The following CCDC192 variants were observed in gnomAD, a reference collection of about 807,000 sequenced individuals.
CCDC192 encodes the protein coiled-coil domain-containing protein 192.
chr5:127,938,958 CAGG>C (rs1440784150), intron 6 of CCDC192, among the ~76,000 whole-genome samples: 1 of 152,076 alleles, frequency 6.6e-6, no homozygotes, highest in Non-Finnish European at 1.5e-5. Context: ...CTTGGCACAC[CAGG>C]AGATGAGGAA....
chr5:127,794,532 A>G (rs569196031), intron 3 of CCDC192, among the ~76,000 whole-genome samples: 37 of 152,342 alleles, frequency 2.4e-4, no homozygotes, highest in African/African-American at 8.4e-4. Flanking sequence ...TATTATTAAT[A>G]TTATTTATTC....
intron 6 of CCDC192, among the ~76,000 whole-genome samples, chr5:127,902,064 A>G (rs1580810697): frequency 6.6e-6 from 1 of 152,224 alleles, no homozygotes; most frequent in Non-Finnish European, 1.5e-5. Context: ...TGAGGTCAGG[A>G]GTTCAAGACC....
intron 5 of CCDC192, among the ~76,000 whole-genome samples, chr5:127,826,375 A>T (rs113140783): frequency 7.3e-4 from 111 of 152,192 alleles, no homozygotes; most frequent in Non-Finnish European, 1.1e-3. Context: ...AGCAGTTTGG[A>T]GATTTCTCAA....
intron 5 of CCDC192, among the ~76,000 whole-genome samples, chr5:127,830,869 T>C (rs1022654505): frequency 1.3e-5 from 2 of 152,048 alleles, no homozygotes; most frequent in Non-Finnish European, 2.9e-5. Flanking sequence ...AAGTAAAAAT[T>C]TAAATTTATC....
intron 6 of CCDC192, among the ~76,000 whole-genome samples, chr5:127,902,043 G>A (rs979419514): frequency 6.6e-6 from 1 of 152,198 alleles, no homozygotes; most frequent in African/African-American, 2.4e-5. Flanking sequence ...GGCTAAGGCA[G>A]GTGGATCATC....
chr5:127,869,187 G>T (rs1438252584), intron 5 of CCDC192, among the ~76,000 whole-genome samples: 1 of 152,238 alleles, frequency 6.6e-6, no homozygotes, highest in East Asian at 1.9e-4. Flanking sequence ...AGCTGTGCCT[G>T]GTGGCACGTG....
At chr5:127,740,032 GA>G (rs1214571010) in intron 2 of CCDC192, 3 of 152,324 alleles carry the variant, frequency 2.0e-5, no homozygotes, top group African/African-American at 7.2e-5. Context: ...TGGCTGCGAA[GA>G]ATGCTTGGGA....
At chr5:127,920,934 C>A (rs1000612283) in intron 6 of CCDC192, among the ~76,000 whole-genome samples, 1 of 151,622 alleles carries the variant, frequency 6.6e-6, no homozygotes, top group Non-Finnish European at 1.5e-5. Context: ...GTGGTGTGCA[C>A]CTGTAGTCCC....
chr5:127,777,661 A>G (rs551834259), intron 3 of CCDC192, among the ~76,000 whole-genome samples: 8 of 152,318 alleles, frequency 5.3e-5, no homozygotes, highest in African/African-American at 1.4e-4. Flanking sequence ...TAAGTCCCAC[A>G]TGTTGTGGGA....
chr5:127,844,856 G>A (rs1003203041), intron 5 of CCDC192, among the ~76,000 whole-genome samples: 3 of 152,164 alleles, frequency 2.0e-5, no homozygotes, highest in African/African-American at 7.2e-5. Flanking sequence ...AGAAACCCTG[G>A]GAAGACAGGA....
chr5:127,880,761 C>T (rs1467711056), intron 6 of CCDC192, among the ~76,000 whole-genome samples: 1 of 152,034 alleles, frequency 6.6e-6, no homozygotes, highest in African/African-American at 2.4e-5. Context: ...GGATGGATCG[C>T]CTGAGATCAG....
intron 2 of CCDC192, among the ~76,000 whole-genome samples, chr5:127,717,926 G>GACAAAAAAAAAAAAAAAAAAAAAACAAAA (rs1751717772): frequency 2.2e-4 from 1 of 4,544 alleles, no homozygotes; most frequent in Non-Finnish European, 5.3e-4. Flanking sequence ...TATAAAGCTA[G>GACAAAAAAAAAAAAAAAAAAAAAACAAAA]ACAAAAAAAA....
chr5:127,781,770 A>T (rs1756240050), intron 3 of CCDC192, among the ~76,000 whole-genome samples: 1 of 152,128 alleles, frequency 6.6e-6, no homozygotes, highest in African/African-American at 2.4e-5. Context: ...GTAAACAATC[A>T]TGTCATCAGC....
intron 2 of CCDC192, among the ~76,000 whole-genome samples, chr5:127,716,137 G>C (rs1457362246): frequency 6.6e-6 from 1 of 151,902 alleles, no homozygotes; most frequent in African/African-American, 2.4e-5. Flanking sequence ...TTTTGCATCT[G>C]TTGAAATGGT....
intron 5 of CCDC192, among the ~76,000 whole-genome samples, chr5:127,869,331 A>C (rs555893048): frequency 1.3e-5 from 2 of 152,296 alleles, no homozygotes; most frequent in South Asian, 4.1e-4. Context: ...TCTCAAAAAA[A>C]TAAAATAAAA....
intron 6 of CCDC192, among the ~76,000 whole-genome samples, chr5:127,890,438 G>A (rs892086648): frequency 6.9e-6 from 1 of 145,198 alleles, no homozygotes; most frequent in African/African-American, 2.6e-5. Flanking sequence ...GAATGGCAGT[G>A]AGAGACCCTG....
chr5:127,739,709 A>G (rs1418669017), intron 2 of CCDC192: 1 of 152,250 alleles, frequency 6.6e-6, no homozygotes, highest in African/African-American at 2.4e-5. Context: ...GCCATCTGTC[A>G]CCCCTTTCTT....
In CCDC192 at chr5:127,821,032, C is replaced by T. The variant is rs151010644; in HGVS notation, c.411+22870C>T. ...CTATAGTATCCACACACTACATGTA[C>T]ACACACACATATACACACACACTGG... On this transcript the variant is annotated intron_variant, in intron 5 of 6. Coordinates refer to ENST00000514853, the MANE Select transcript of CCDC192 (RefSeq NM_001317938.2). 5.3e-3 allele frequency among the ~76,000 whole-genome samples: 810 copies of T among 152,198 alleles called. 8 individuals carry two copies. The highest frequency in any genetic ancestry group is 0.018 in the African/African-American group (753 of 41,524).
At chr5:127,718,921 T>C (rs1751799074) in intron 2 of CCDC192, among the ~76,000 whole-genome samples, 1 of 152,186 alleles carries the variant, frequency 6.6e-6, no homozygotes, top group Non-Finnish European at 1.5e-5. Flanking sequence ...TATACTCTTT[T>C]AGTTATTTTT....
Sources: allele counts gnomAD v4.1 joint callset (sites outside exome capture counted in the v4.1 genomes callset), GRCh38; gene constraint gnomAD v4.1.1; transcripts MANE v1.5; gene names NCBI Gene and HGNC (gene_info 2026-07-23, HGNC 2026-07-21).